The following HMOX1 variants were observed in gnomAD, a reference collection of about 807,000 sequenced individuals.
HMOX1 encodes heme oxygenase 1, also known as heat shock protein, 32-kD.
Under a neutral mutation model 27.8 loss-of-function variants are expected in HMOX1, and 22 were observed. That is an observed-to-expected ratio of 0.79 (90% confidence interval 0.57 to 1.13). The LOEUF is 1.13. HMOX1 is among the 50% of genes most tolerant of loss of function. The pLI, the probability that HMOX1 is intolerant of heterozygous loss-of-function variation, is 0.00. For missense variants in HMOX1, 379 were observed against 377.7 expected, an observed-to-expected ratio of 1.00 and a Z score of -0.03; for synonymous variants, 153 against 151.6, an observed-to-expected ratio of 1.01 and a Z score of -0.07.
At chr22:35,389,161 C>T (rs952090743) in intron 3 of HMOX1, among the ~76,000 whole-genome samples, 1 of 151,776 alleles carries the variant, frequency 6.6e-6, no homozygotes, top group Non-Finnish European at 1.5e-5. Context: ...AACATCTTAT[C>T]TCTTAAGGTG....
intron 2 of HMOX1, among the ~76,000 whole-genome samples, chr22:35,385,165 G>A (rs180774785): frequency 6.6e-6 from 1 of 152,286 alleles, no homozygotes; most frequent in East Asian, 1.9e-4. Context: ...GCATGCAGAG[G>A]TGGTGGGGTT....
rs1326902563 is a variant in HMOX1 at position 35,383,101 on chromosome 22, C to T, written c.24-5C>T. ...TTGTGTTCACCTTTCCCATTTCCTC[C>T]TCAGCATGCCCCAGGATTTGTCAGA... On this transcript the variant is annotated splice_region_variant and splice_polypyrimidine_tract_variant and intron_variant, in intron 1 of 4. Transcript: ENST00000216117. 1.9e-6 allele frequency: 3 copies of T among 1,613,392 alleles called. No homozygotes were observed. The highest frequency in any genetic ancestry group is 2.5e-6 in the Non-Finnish European group (3 of 1,179,530).
intron 4 of HMOX1, among the ~76,000 whole-genome samples, chr22:35,390,970 G>C (rs9622194): frequency 6.6e-6 from 1 of 152,096 alleles, no homozygotes; most frequent in African/African-American, 2.4e-5. Context: ...AACACTGAGG[G>C]AGGGAGTGTG....
rs1011790497 is a variant in HMOX1, at chr22:35,393,965, G to C, written c.*367G>C. 16 of 336,306 alleles carry C rather than the reference G, an allele frequency of 4.8e-5. No individual in the cohort carries two copies. Among genetic ancestry groups the C allele is most frequent in the Non-Finnish European group, 8.8e-5 (15 of 171,246 alleles). The allele number at this position is 336,306 out of a possible 1,614,324, so 20.8% of individuals were successfully genotyped here. A position where few individuals can be genotyped will look rare whatever the true frequency, so the allele number is the denominator to read the frequency against. On this transcript the variant is annotated 3_prime_UTR_variant, in exon 5 of 5. Transcript: ENST00000216117. ...ACGGCCATGACCACTTTCCCCGTGG[G>C]CCATGGCAATTTTTACACAAACCTG...
At chr22:35,381,218 C>G (rs779315982) in intron 1 of HMOX1, 22 bp downstream of exon 1, 2 of 1,544,918 alleles carry the variant, frequency 1.3e-6, no homozygotes, top group East Asian at 2.4e-5. Flanking sequence ...GCGCGGGACG[C>G]GGGACGGGCG....
At chr22:35,384,238 C>A (rs866371267) in intron 2 of HMOX1, among the ~76,000 whole-genome samples, 1 of 152,190 alleles carries the variant, frequency 6.6e-6, no homozygotes. Flanking sequence ...CCCACCACCA[C>A]ACCTGGCCAA....
chr22:35,387,281 G>A, intron 3 of HMOX1, 105 bp downstream of exon 3: 1 of 1,378,194 alleles, frequency 7.3e-7, no homozygotes, highest in Non-Finnish European at 1.0e-6. Context: ...TTAACACAGG[G>A]AACCAGAGTT....
At chr22:35,389,221 C>CT (rs1555901534) in intron 3 of HMOX1, among the ~76,000 whole-genome samples, 1 of 135,008 alleles carries the variant, frequency 7.4e-6, no homozygotes, top group African/African-American at 3.5e-5. Flanking sequence ...TTCTCTCTTT[C>CT]TTTCTTTCTT....
At chr22:35,389,301 TTC>T (rs1278578363) in intron 3 of HMOX1, among the ~76,000 whole-genome samples, 2 of 123,786 alleles carry the variant, frequency 1.6e-5, no homozygotes, top group Non-Finnish European at 3.2e-5. Flanking sequence ...TCTTTCTTCT[TTC>T]TTTCTTTCTT....
intron 1 of HMOX1, 92 bp downstream of exon 1, chr22:35,381,288 A>C: frequency 6.9e-7 from 1 of 1,443,144 alleles, no homozygotes; most frequent in Admixed American, 2.0e-5. Flanking sequence ...CCACACAGCG[A>C]CAGAGCCCAG....
intron 3 of HMOX1, among the ~76,000 whole-genome samples, chr22:35,389,251 TCTCTCTCTCTCTC>T (rs1569057156): frequency 3.1e-4 from 20 of 64,044 alleles, no homozygotes; most frequent in South Asian, 2.7e-3. Context: ...TTCTTTCTTT[TCTCTCTCTCTCTC>T]TCTCTCTCTC....
In HMOX1 at chr22:35,393,550, A is replaced by G. The variant is rs1201883437; in HGVS notation, c.819A>G (p.Thr273=). 4 of 1,614,012 alleles carry G rather than the reference A, an allele frequency of 2.5e-6. No individual in the cohort carries two copies. In the South Asian group the frequency reaches 3.3e-5, roughly 13 times the overall value. The change falls in exon 5 of 5, where the codon ACA becomes ACG. Residue 273 remains threonine (T), a synonymous_variant. Coordinates refer to ENST00000216117, the MANE Select transcript of HMOX1 (RefSeq NM_002133.3). ...CTCCGCTTCTCCGATGGGTCCTTAC[A>G]CTCAGCTTTCTGGTGGCGACAGTTG... ...SQAPLLRWVL[T]LSFLVATVAV...
chr22:35,389,774 T>G (rs889054531), intron 3 of HMOX1, 90 bp from the exon 4 acceptor site: 5 of 890,388 alleles, frequency 5.6e-6, no homozygotes, highest in Non-Finnish European at 9.1e-6. Flanking sequence ...ATTTCCAAAG[T>G]ATTTCCTAAC....
At chr22:35,390,112 G>C in intron 4 of HMOX1, 149 bp downstream of exon 4, 1 of 701,142 alleles carries the variant, frequency 1.4e-6, no homozygotes, top group Non-Finnish European at 2.6e-6. Context: ...CCCCTGTAAG[G>C]ACAGGTTCTC....
chr22:35,382,320 T>C, intron 1 of HMOX1, among the ~76,000 whole-genome samples: 1 of 151,542 alleles, frequency 6.6e-6, no homozygotes, highest in Non-Finnish European at 1.5e-5. Flanking sequence ...CTGAATTTGT[T>C]TTTTGTTTTT....
intron 1 of HMOX1, 94 bp downstream of exon 1, chr22:35,381,290 A>G: frequency 7.1e-7 from 1 of 1,415,404 alleles, no homozygotes; most frequent in Non-Finnish European, 9.6e-7. Context: ...ACACAGCGAC[A>G]GAGCCCAGGA....
chr22:35,387,255 G>T (rs1426095213), intron 3 of HMOX1, 79 bp downstream of exon 3: 1 of 1,549,626 alleles, frequency 6.5e-7, no homozygotes, highest in Non-Finnish European at 8.9e-7. Context: ...GTAGGGGAGG[G>T]TGCTATAGGT....
rs1167633638 is a variant in HMOX1 at position 35,393,743 on chromosome 22, T to C, written c.*145T>C. On this transcript the variant is annotated 3_prime_UTR_variant, in exon 5 of 5. Transcript: ENST00000216117. The stretch of plus-strand genomic sequence containing the variant: ...AGCCCTCTCACTGTGTCCCTCTCTC[T>C]GGAAAGGAGGAAGGAGCCTATGGCA... 6.0e-6 allele frequency: 6 copies of C among 996,002 alleles called. No individual in the cohort carries two copies. Among genetic ancestry groups the C allele is most frequent in the Non-Finnish European group, 9.4e-6 (6 of 635,516 alleles). 61.7% of individuals were successfully genotyped at this position (996,002 alleles called of 1,614,324 possible).
intron 4 of HMOX1, among the ~76,000 whole-genome samples, chr22:35,392,456 CTGCTTGCT>C (rs761201355): frequency 3.3e-5 from 5 of 151,954 alleles, no homozygotes; most frequent in East Asian, 3.9e-4. Context: ...CACAGTGTAC[CTGCTTGCT>C]TGCTTGCTTG....
Sources: allele counts gnomAD v4.1 joint callset (sites outside exome capture counted in the v4.1 genomes callset), GRCh38; gene constraint gnomAD v4.1.1; transcripts MANE v1.5; gene names NCBI Gene and HGNC (gene_info 2026-07-23, HGNC 2026-07-21).